Variants in NPR3 observed in about 807,000 individuals in gnomAD.
The protein encoded by NPR3 is natriuretic peptide receptor 3.
NPR3 carries 34 observed loss-of-function variants against 54.5 expected under a neutral mutation model. The ratio of observed to expected loss-of-function variants is 0.62; its 90% CI spans 0.47 to 0.83. The LOEUF is 0.83. NPR3 is among the 40% of genes least tolerant of loss of function. NPR3 has a pLI of 0.00. For missense variants in NPR3, 674 were observed against 720.8 expected (o/e 0.94, Z 0.74); for synonymous variants, 289 against 297.1 (o/e 0.97, Z 0.28).
rs1031989391 is a variant in NPR3 at position 32,711,839 on chromosome 5, C to T, written c.63C>T (p.Ala21=). The change falls in exon 1 of 8, where the codon GCC becomes GCT. Residue 21 remains alanine, a synonymous_variant. Coordinates refer to ENST00000265074, the MANE Select transcript of NPR3 (RefSeq NM_001204375.2). The part of the protein sequence containing the change: ...PCVLLGWALL[A]GGTGGGGVGG... Reference sequence around the variant, plus strand: ...TACTACTCGGCTGGGCGTTGCTGGCCGGCGGCACCGGTGGCGGTGGCGTTG... The same window carrying T: ...TACTACTCGGCTGGGCGTTGCTGGCTGGCGGCACCGGTGGCGGTGGCGTTG... The T allele has an allele frequency of 1.7e-5, 25 of 1,460,774 alleles. No homozygotes were observed. Among genetic ancestry groups the T allele is most frequent in the Non-Finnish European group, 2.3e-5 (25 of 1,108,254 alleles). The allele number at this position is 1,460,774 out of a possible 1,614,324, so 90.5% of individuals were successfully genotyped here.
chr5:32,725,379 C>G (rs1003841001), intron 2 of NPR3, among the ~76,000 whole-genome samples: 4 of 152,202 alleles, frequency 2.6e-5, no homozygotes, highest in Non-Finnish European at 5.9e-5. Context: ...ACTCCTACAG[C>G]TTCTCAAAAA....
At chr5:32,711,012 C>T (rs530018917), upstream of NPR3, among the ~76,000 whole-genome samples, 1 of 152,146 alleles carries the variant, frequency 6.6e-6, no homozygotes, top group African/African-American at 2.4e-5. Flanking sequence ...AGGCGGTGAT[C>T]GCACAGGCAC....
intron 3 of NPR3, among the ~76,000 whole-genome samples, chr5:32,755,250 G>A (rs185580043): frequency 9.2e-5 from 14 of 152,176 alleles, no homozygotes; most frequent in Non-Finnish European, 1.8e-4. Context: ...TATTCATTTC[G>A]ATCTTAGGTT....
chr5:32,747,391 A>G, intron 3 of NPR3, among the ~76,000 whole-genome samples: 1 of 152,218 alleles, frequency 6.6e-6, no homozygotes, highest in East Asian at 1.9e-4. Flanking sequence ...AAAAGCTAAA[A>G]AAATTCAGAG....
At chr5:32,701,129 G>C (rs1737777579) in intron 1 of NPR3, among the ~76,000 whole-genome samples, 1 of 152,134 alleles carries the variant, frequency 6.6e-6, no homozygotes, top group African/African-American at 2.4e-5. Flanking sequence ...TTTTTGATTT[G>C]CATTTCTCTG....
rs1033936063 is a variant in NPR3, at chr5:32,711,723, G to A, written c.-54G>A. On this transcript the variant is annotated 5_prime_UTR_variant, in exon 1 of 8. Coordinates refer to ENST00000265074, the MANE Select transcript of NPR3 (RefSeq NM_001204375.2). The stretch of plus-strand genomic sequence containing the variant: ...TGGGGAGGAAAGAGGAAGGGTGGGT[G>A]GGGGGCAGAGGGCGAGTCGGCGGCG... 5.0e-6 allele frequency: 7 copies of A among 1,407,090 alleles called. No individual in the cohort carries two copies. Among genetic ancestry groups the A allele is most frequent in the African/African-American group, 4.5e-5 (3 of 66,440 alleles). 87.2% of individuals were successfully genotyped at this position (1,407,090 alleles called of 1,614,324 possible).
intron 3 of NPR3, among the ~76,000 whole-genome samples, chr5:32,742,408 G>A (rs908742143): frequency 1.3e-5 from 2 of 152,050 alleles, no homozygotes; most frequent in African/African-American, 2.4e-5. Context: ...AATTGCTTAA[G>A]TCCAGGACTT....
At chr5:32,779,653 A>G (rs1297521284) in intron 4 of NPR3, among the ~76,000 whole-genome samples, 1 of 152,096 alleles carries the variant, frequency 6.6e-6, no homozygotes, top group African/African-American at 2.4e-5. Context: ...GCCCAATCTT[A>G]GACTTCCTCC....
Position 32,700,320 on chromosome 5 carries a change from A to G in NPR3, c.100+11134A>G, listed in dbSNP as rs952468486. 5.3e-5 allele frequency among the ~76,000 whole-genome samples: 8 copies of G among 152,160 alleles called. No homozygotes were observed. In the East Asian group the frequency reaches 1.5e-3, roughly 29 times the overall value. On this transcript the variant is annotated intron_variant, in intron 1 of 5. Coordinates refer to the NPR3 transcript ENST00000509104. ...CTCTCTCTACCTCCTCTTTAAGGCC[A>G]GTAACTCTTGAATTTGCCCCTCTAA...
intron 2 of NPR3, among the ~76,000 whole-genome samples, chr5:32,726,656 T>C (rs531092136): frequency 1.5e-4 from 23 of 152,362 alleles, no homozygotes; most frequent in African/African-American, 5.0e-4. Context: ...GTACCTGATA[T>C]AAATGTTAGG....
chr5:32,714,581 A>G (rs1011641440), intron 1 of NPR3, among the ~76,000 whole-genome samples: 5 of 151,778 alleles, frequency 3.3e-5, no homozygotes, highest in Non-Finnish European at 5.9e-5. Context: ...ACAAGTGATA[A>G]GGTTAGGATT....
At chr5:32,784,664 T>C in intron 6 of NPR3, 132 bp from the exon 7 acceptor site, 1 of 678,606 alleles carries the variant, frequency 1.5e-6, no homozygotes, top group Non-Finnish European at 2.6e-6. Context: ...TAGGGTCCCT[T>C]AGAAAATATT....
chr5:32,752,005 C>T (rs1740602709), intron 3 of NPR3, among the ~76,000 whole-genome samples: 1 of 152,044 alleles, frequency 6.6e-6, no homozygotes, highest in African/African-American at 2.4e-5. Flanking sequence ...AGTTCAAGAC[C>T]AGCCTGGCCA....
upstream of NPR3, among the ~76,000 whole-genome samples, chr5:32,709,153 G>A (rs1399942665): frequency 6.6e-6 from 1 of 152,058 alleles, no homozygotes; most frequent in Non-Finnish European, 1.5e-5. Flanking sequence ...TGAAACCCCA[G>A]ACTCTCCGCA....
At chr5:32,760,889 A>AT (rs1450103668) in intron 3 of NPR3, among the ~76,000 whole-genome samples, 1 of 151,956 alleles carries the variant, frequency 6.6e-6, no homozygotes, top group African/African-American at 2.4e-5. Context: ...GTTTTTTCCC[A>AT]TCTTTTTCTG....
rs549705458 is a variant in NPR3 at position 32,769,221 on chromosome 5, A to G, written c.1060-5487A>G. On this transcript the variant is annotated intron_variant, in intron 3 of 7. Transcript: ENST00000265074. ...CACTTATTTTAATGATTTAAAAGGA[A>G]ATTGAACAAAAATCGATATTCTATT... Among the ~76,000 whole-genome samples, 7 of 152,318 alleles carry G rather than the reference A, an allele frequency of 4.6e-5. No homozygotes were observed. In the South Asian group the frequency reaches 1.2e-3, roughly 27 times the overall value.
chr5:32,729,322 C>T (rs1177751902), intron 2 of NPR3, among the ~76,000 whole-genome samples: 1 of 152,090 alleles, frequency 6.6e-6, no homozygotes. Context: ...AGCCACCGAG[C>T]CCGGCCTGCC....
At chr5:32,782,014 G>C (rs1234897534) in intron 5 of NPR3, among the ~76,000 whole-genome samples, 2 of 152,168 alleles carry the variant, frequency 1.3e-5, no homozygotes, top group Non-Finnish European at 2.9e-5. Context: ...GGGTGGGAAG[G>C]CACTTCTAGA....
At chr5:32,714,915 G>A (rs954318802) in intron 1 of NPR3, among the ~76,000 whole-genome samples, 1 of 152,172 alleles carries the variant, frequency 6.6e-6, no homozygotes, top group Non-Finnish European at 1.5e-5. Context: ...TGTACCTCGA[G>A]CTCCTTAGGT....
Sources: allele counts gnomAD v4.1 joint callset (sites outside exome capture counted in the v4.1 genomes callset), GRCh38; gene constraint gnomAD v4.1.1; transcripts MANE v1.5; gene names NCBI Gene and HGNC (gene_info 2026-07-23, HGNC 2026-07-21).